The following GPHN variants were observed in gnomAD, a reference collection of about 807,000 sequenced individuals.
GPHN encodes the protein gephyrin.
GPHN carries 17 observed loss-of-function variants against 95.5 expected under a neutral mutation model. The ratio of observed to expected loss-of-function variants is 0.18; its 90% CI spans 0.12 to 0.27. GPHN has a LOEUF of 0.27. Ranked by LOEUF, GPHN falls within the 10% of genes least tolerant of loss-of-function variation. The pLI is 1.00. For missense variants in GPHN, 660 were observed against 978.1 expected, an observed-to-expected ratio of 0.67 and a Z score of 4.34; for synonymous variants, 320 against 322.5, an observed-to-expected ratio of 0.99 and a Z score of 0.08.
At chr14:66,909,033 A>G (rs573761454) in intron 5 of GPHN, among the ~76,000 whole-genome samples, 1 of 152,230 alleles carries the variant, frequency 6.6e-6, no homozygotes, top group Admixed American at 6.6e-5. Flanking sequence ...GCATGAATAA[A>G]CTGTGGGCTT....
intron 2 of GPHN, among the ~76,000 whole-genome samples, chr14:66,732,844 G>A (rs2071909928): frequency 6.6e-6 from 1 of 152,172 alleles, no homozygotes; most frequent in Non-Finnish European, 1.5e-5. Context: ...CTTATAGGCA[G>A]AAGGGACTTG....
At chr14:67,609,917 A>G in the GPHN span, among the ~76,000 whole-genome samples, 65,031 of 151,756 alleles carry the variant, frequency 0.43, 17,795 homozygotes, top group African/African-American at 0.79. Context: ...TGTCCTGGAA[A>G]CGCTGTGAGA....
intron 9 of GPHN, among the ~76,000 whole-genome samples, chr14:66,974,788 T>C (rs907546401): frequency 6.6e-6 from 1 of 152,162 alleles, no homozygotes; most frequent in African/African-American, 2.4e-5. Flanking sequence ...ATTCTTATCA[T>C]ACCAAGAAGG....
At chr14:66,799,176 G>A (rs755287468) in intron 3 of GPHN, among the ~76,000 whole-genome samples, 15 of 151,892 alleles carry the variant, frequency 9.9e-5, no homozygotes, top group Non-Finnish European at 1.2e-4. Flanking sequence ...GGTCAGAGAA[G>A]ATGCTTGATA....
At chr14:67,572,160 C>T in the GPHN span, 37 of 1,607,196 alleles carry the variant, frequency 2.3e-5, no homozygotes, top group Non-Finnish European at 2.8e-5. Context: ...CACTGAGCTC[C>T]GAGGGTGACT....
intron 1 of GPHN, among the ~76,000 whole-genome samples, chr14:66,570,567 A>G (rs984948223): frequency 6.8e-6 from 1 of 146,350 alleles, no homozygotes; most frequent in Admixed American, 6.8e-5. Context: ...CGGCCTCCCA[A>G]AGTGCCGAGA....
chr14:66,977,198 G>A lies in GPHN; in HGVS notation c.963+11873G>A, dbSNP rs575567469. Among the ~76,000 whole-genome samples the A allele has an allele frequency of 5.9e-5, 9 of 152,244 alleles. No individual in the cohort carries two copies. The South Asian group carries it at 1.0e-3, about 18-fold the overall frequency. On this transcript the variant is annotated intron_variant, in intron 9 of 22. Coordinates refer to ENST00000478722, the MANE Select transcript of GPHN (RefSeq NM_020806.5). Reference sequence around the variant, plus strand: ...TGTAATCCCAGTACTTTGGGAGGCCGAGGCGGATGGATCACGAGGCCAGGA... The same window carrying A: ...TGTAATCCCAGTACTTTGGGAGGCCAAGGCGGATGGATCACGAGGCCAGGA...
chr14:67,033,811 A>G (rs2074297592), intron 10 of GPHN, among the ~76,000 whole-genome samples: 1 of 152,212 alleles, frequency 6.6e-6, no homozygotes, highest in African/African-American at 2.4e-5. Context: ...AAGGGCAAAG[A>G]GAAAATTTGA....
At chr14:67,490,834 T>G in the GPHN span, among the ~76,000 whole-genome samples, 1 of 152,094 alleles carries the variant, frequency 6.6e-6, no homozygotes, top group Non-Finnish European at 1.5e-5. Flanking sequence ...AAAAAAAGTT[T>G]TTTCCTTCTG....
chr14:67,543,195 C>T, the GPHN span, among the ~76,000 whole-genome samples: 1 of 152,188 alleles, frequency 6.6e-6, no homozygotes, highest in Non-Finnish European at 1.5e-5. Context: ...TCACACCTCT[C>T]CAAAGAATGT....
At chr14:66,816,218 TA>T (rs2060960693) in intron 3 of GPHN, among the ~76,000 whole-genome samples, 1 of 152,160 alleles carries the variant, frequency 6.6e-6, no homozygotes, top group South Asian at 2.1e-4. Flanking sequence ...TGGTAGTCTT[TA>T]ACACCCCACT....
chr14:66,777,388 T>G (rs1006433559), intron 3 of GPHN, among the ~76,000 whole-genome samples: 1 of 152,148 alleles, frequency 6.6e-6, no homozygotes, highest in Admixed American at 6.5e-5. Flanking sequence ...GAATTCTACC[T>G]GAGGTACAAG....
intron 2 of GPHN, among the ~76,000 whole-genome samples, chr14:66,755,971 T>A (rs1338647295): frequency 6.6e-6 from 1 of 152,180 alleles, no homozygotes; most frequent in Non-Finnish European, 1.5e-5. Context: ...CATTTGTAAT[T>A]AATTAATATT....
the GPHN span, among the ~76,000 whole-genome samples, chr14:67,554,067 C>T: frequency 6.6e-6 from 1 of 152,172 alleles, no homozygotes; most frequent in Non-Finnish European, 1.5e-5. Flanking sequence ...CTCTAACTCT[C>T]TGTCCAAGGG....
chr14:67,218,799 G>A, the GPHN span, among the ~76,000 whole-genome samples: 1 of 151,992 alleles, frequency 6.6e-6, no homozygotes, highest in African/African-American at 2.4e-5. Flanking sequence ...TTGAGGGTGT[G>A]TATGCAGCAG....
At chr14:67,709,658 G>T in the GPHN span, among the ~76,000 whole-genome samples, 3 of 152,080 alleles carry the variant, frequency 2.0e-5, no homozygotes, top group South Asian at 6.2e-4. Flanking sequence ...TTAATTTCTG[G>T]CCCTGTGTTT....
At chr14:66,642,603 T>A (rs1235355448) in intron 1 of GPHN, among the ~76,000 whole-genome samples, 2 of 150,998 alleles carry the variant, frequency 1.3e-5, no homozygotes, top group African/African-American at 4.9e-5. Context: ...TTAGCTGAGC[T>A]AACCTGGATT....
At chr14:66,625,225 C>G (rs577749773) in intron 1 of GPHN, among the ~76,000 whole-genome samples, 2 of 152,134 alleles carry the variant, frequency 1.3e-5, no homozygotes, top group South Asian at 2.1e-4. Context: ...ACTACAAACA[C>G]GCACCACCAC....
the GPHN span, among the ~76,000 whole-genome samples, chr14:67,361,282 G>C: frequency 6.6e-6 from 1 of 152,132 alleles, no homozygotes; most frequent in South Asian, 2.1e-4. Context: ...CCCCTCAATT[G>C]AGTTGTTATT....
Sources: gnomAD v4.1 joint callset for allele counts (sites outside exome capture counted in the v4.1 genomes callset) on GRCh38, gnomAD v4.1.1 for gene constraint, MANE v1.5 for transcripts, NCBI Gene and HGNC (gene_info 2026-07-23, HGNC 2026-07-21) for gene names.